Variants in ZSWIM2 observed in about 807,000 individuals in gnomAD.
ZSWIM2 encodes E3 ubiquitin-protein ligase ZSWIM2.
A neutral mutation model predicts 48.4 loss-of-function variants in ZSWIM2; 38 were observed. That is an observed-to-expected ratio of 0.79 (90% CI 0.61 to 1.03). The LOEUF is 1.03. Ranked by LOEUF, ZSWIM2 falls within the 50% of genes least tolerant of loss-of-function variation. The pLI is 0.00. For synonymous variants in ZSWIM2, 240 were observed against 251.3 expected (o/e 0.96, Z 0.42); for missense variants, 776 against 730.2 (o/e 1.06, Z -0.72).
chr2:186,834,580 G>T (rs1257438746), intron 5 of ZSWIM2, among the ~76,000 whole-genome samples: 1 of 152,082 alleles, frequency 6.6e-6, no homozygotes, highest in Admixed American at 6.6e-5. Context: ...ATCTGAGGTG[G>T]AACAGTCTCA....
At position 186,839,285 on chromosome 2, in the gene ZSWIM2, T is replaced by C. The variant is rs976484860; in HGVS notation, c.284-116A>G. ...CAAATATCAGAGAGACAGTTTTGATTGAATTATCACACTGACATTGACCCC... is the reference window on the plus strand; with the variant it reads ...CAAATATCAGAGAGACAGTTTTGATCGAATTATCACACTGACATTGACCCC... On this transcript the variant is annotated intron_variant, in intron 3 of 8. Transcript: ENST00000295131. The C allele has an allele frequency of 5.5e-6, 5 of 906,026 alleles. No homozygotes were observed. In the Admixed American group the frequency reaches 1.3e-4, roughly 23 times the overall value. The allele number at this position is 906,026 out of a possible 1,614,324, so 56.1% of individuals were successfully genotyped here. A position where few individuals can be genotyped will look rare whatever the true frequency, so the allele number is the denominator to read the frequency against.
At chr2:186,829,623 G>C in intron 8 of ZSWIM2, 104 bp downstream of exon 8, 1 of 1,213,716 alleles carries the variant, frequency 8.2e-7, no homozygotes, top group South Asian at 1.4e-5. Context: ...GAACACCTCT[G>C]TACAGAGCAC....
intron 6 of ZSWIM2, 91 bp from the exon 7 acceptor site, chr2:186,833,323 G>T: frequency 1.7e-6 from 1 of 584,216 alleles, no homozygotes. Context: ...TCAATAATGT[G>T]AACAATACAC....
In ZSWIM2 at chr2:186,844,711, A is replaced by G. The variant is rs938868750; in HGVS notation, c.283+6T>C. The G allele has an allele frequency of 1.9e-6, 3 of 1,556,680 alleles. No homozygotes were observed. In the African/African-American group the frequency reaches 4.2e-5, roughly 22 times the overall value. On this transcript the variant is annotated splice_donor_region_variant and intron_variant, in intron 3 of 8. Coordinates refer to ENST00000295131, the MANE Select transcript of ZSWIM2 (RefSeq NM_182521.3). Reference sequence around the variant, plus strand: ...AAACACAAAAAACCCAAACCCCAAAACTTACATTCATGGTTCCTTGGAAGC... The same window carrying G: ...AAACACAAAAAACCCAAACCCCAAAGCTTACATTCATGGTTCCTTGGAAGC...
chr2:186,848,840 T>C (rs1216604845), intron 1 of ZSWIM2, 126 bp downstream of exon 1: 2 of 1,256,582 alleles, frequency 1.6e-6, no homozygotes, highest in Non-Finnish European at 1.1e-6. Flanking sequence ...GGGAAGGCGC[T>C]TTCGGGGGTG....
chr2:186,833,977 C>T lies in ZSWIM2; in HGVS notation c.797G>A (p.Cys266Tyr). ...AAATGTAAACGTGTGGGAAAGATGG[C>T]AGCAGCTATCAAAACATTCCTGGCA... ...HLCQECFDSC[C>Y]HLSHTFTFRE... is the part of the protein sequence containing the mutation. The change falls in exon 6 of 9, where the codon TGC becomes TAC. Residue 266 changes from cysteine to tyrosine, a missense_variant. Transcript: ENST00000295131. 6.2e-7 allele frequency: 1 copy of T among 1,613,198 alleles called. No individual in the cohort carries two copies. The highest frequency in any genetic ancestry group is 1.1e-5 in the South Asian group (1 of 91,046).
In ZSWIM2 at chr2:186,833,208, G is replaced by T; in HGVS notation, c.853C>A (p.Leu285Ile). 6.5e-7 allele frequency: 1 copy of T among 1,537,274 alleles called. No homozygotes were observed. Among genetic ancestry groups the T allele is most frequent in the South Asian group, 1.3e-5 (1 of 79,102 alleles). The part of the protein sequence containing the change: ...REKRNQKWRS[L>I]EKRADEVVKY... ...ACAACTTCATCTGCTCTTTTTTCTA[G>T]TGATCTCCATTTTTGGTTTCTTTTC... The change falls in exon 7 of 9, where the codon CTA becomes ATA. Residue 285 changes from leucine to isoleucine, a missense_variant. Transcript: ENST00000295131.
chr2:186,828,556 T>C lies in ZSWIM2; in HGVS notation c.1330A>G (p.Ile444Val). ...AATTCATCAAAATTACACTGAGGTA[T>C]GCTAGGTAAAATTCCAAGTCTATTT... ...KQNRLGILPS[I>V]PQCNFDELNT... is the part of the protein sequence containing the mutation. The change falls in exon 9 of 9, where the codon ATA (isoleucine) becomes GTA (valine). Residue 444 changes from isoleucine (I) to valine (V), a missense_variant. Ile to Val is a conservative substitution (Grantham distance 29). Transcript: ENST00000295131. 6 of 1,613,314 alleles carry C rather than the reference T, an allele frequency of 3.7e-6. No homozygotes were observed. The highest frequency in any genetic ancestry group is 5.1e-6 in the Non-Finnish European group (6 of 1,179,540).
intron 4 of ZSWIM2, 65 bp downstream of exon 4, chr2:186,838,894 A>G (rs545795528): frequency 6.9e-7 from 1 of 1,457,964 alleles, no homozygotes. Flanking sequence ...TCCTAAGGTA[A>G]TAAATCAGAA....
Position 186,828,252 on chromosome 2 carries a change from G to A in ZSWIM2, c.1634C>T (p.Thr545Ile). 5 of 1,613,614 alleles carry A rather than the reference G, an allele frequency of 3.1e-6. No homozygotes were observed. Among genetic ancestry groups the A allele is most frequent in the Non-Finnish European group, 4.2e-6 (5 of 1,179,792 alleles). The change falls in exon 9 of 9, where the codon ACC becomes ATC. Residue 545 changes from threonine (T) to isoleucine (I), a missense_variant. Physicochemically the swap from Thr to Ile is moderately conservative, Grantham distance 89 (BLOSUM62 -1). Coordinates refer to ENST00000295131, the MANE Select transcript of ZSWIM2 (RefSeq NM_182521.3). ...GKFHTSLSRM[T>I]KGCKCNNHNL... is the part of the protein sequence containing the mutation. ...GTGGTTATTACATTTACAGCCTTTGGTCATCCGGCTTAGACTAGTGTGAAA... is the reference window on the plus strand; with the variant it reads ...GTGGTTATTACATTTACAGCCTTTGATCATCCGGCTTAGACTAGTGTGAAA...
chr2:186,847,635 G>T, intron 2 of ZSWIM2, 84 bp downstream of exon 2: 2 of 914,266 alleles, frequency 2.2e-6, no homozygotes, highest in South Asian at 4.3e-5. Context: ...TAATTTTGTT[G>T]TTATTGAAAC....
At chr2:186,840,354 T>G (rs997274755) in intron 3 of ZSWIM2, among the ~76,000 whole-genome samples, 12 of 151,612 alleles carry the variant, frequency 7.9e-5, no homozygotes, top group African/African-American at 2.7e-4. Flanking sequence ...TGTGGTAAAA[T>G]GTGAATTGGA....
At chr2:186,848,179 G>A (rs1436239160) in intron 1 of ZSWIM2, among the ~76,000 whole-genome samples, 1 of 152,130 alleles carries the variant, frequency 6.6e-6, no homozygotes, top group South Asian at 2.1e-4. Context: ...CATTTGAGTC[G>A]GTGAATTTAT....
At chr2:186,838,665 A>ACG (rs1229852959) in intron 4 of ZSWIM2, among the ~76,000 whole-genome samples, 1 of 147,608 alleles carries the variant, frequency 6.8e-6, no homozygotes, top group African/African-American at 2.5e-5. Context: ...ATATACACAC[A>ACG]CATATATATG....
At chr2:186,833,269 C>T (rs10188850) in intron 6 of ZSWIM2, 37 bp from the exon 7 acceptor site, 117,922 of 1,032,522 alleles carry the variant, frequency 0.11, 9,605 homozygotes, top group African/African-American at 0.39. Flanking sequence ...TTTGCAAAGT[C>T]GTGGATATTT....
chr2:186,848,944 G>A lies in ZSWIM2; in HGVS notation c.165+22C>T, dbSNP rs1373083372. The A allele has an allele frequency of 4.3e-6, 7 of 1,613,432 alleles. No individual in the cohort carries two copies. In the Admixed American group the frequency reaches 1.0e-4, roughly 23 times the overall value. On this transcript the variant is annotated intron_variant, in intron 1 of 8. Coordinates refer to ENST00000295131, the MANE Select transcript of ZSWIM2 (RefSeq NM_182521.3). Reference sequence around the variant, plus strand: ...GTGGGCGGGGATGATGGCCAACTGGGGGCGGTAGGGGCGGTAGTTACTCGG... The same window carrying A: ...GTGGGCGGGGATGATGGCCAACTGGAGGCGGTAGGGGCGGTAGTTACTCGG...
At chr2:186,829,580 G>T in intron 8 of ZSWIM2, 147 bp downstream of exon 8, 1 of 665,176 alleles carries the variant, frequency 1.5e-6, no homozygotes, top group Non-Finnish European at 2.4e-6. Context: ...GATAGTCTCT[G>T]TGGTAGTTCT....
intron 3 of ZSWIM2, among the ~76,000 whole-genome samples, chr2:186,843,072 A>G (rs1421942687): frequency 6.6e-6 from 1 of 151,680 alleles, no homozygotes; most frequent in African/African-American, 2.4e-5. Context: ...GTACTGGCTT[A>G]AGTTAAAATA....
At chr2:186,835,711 A>C (rs1300816106) in intron 5 of ZSWIM2, among the ~76,000 whole-genome samples, 1 of 152,214 alleles carries the variant, frequency 6.6e-6, no homozygotes, top group Non-Finnish European at 1.5e-5. Flanking sequence ...TCTCCTACTC[A>C]ATGTGTTCCT....
Sources: gnomAD v4.1 joint callset for allele counts (sites outside exome capture counted in the v4.1 genomes callset) on GRCh38, gnomAD v4.1.1 for gene constraint, MANE v1.5 for transcripts, NCBI Gene and HGNC (gene_info 2026-07-23, HGNC 2026-07-21) for gene names.